SRR: variants seen among roughly 807,000 people sequenced by gnomAD.
SRR encodes D-serine ammonia-lyase.
Under a neutral mutation model 32.7 loss-of-function variants are expected in SRR, and 19 were observed. The observed-to-expected ratio is 0.58, with a 90% CI of 0.40 to 0.85. SRR has a LOEUF of 0.85. Ranked by LOEUF, SRR falls within the 40% of genes least tolerant of loss-of-function variation. The probability of loss-of-function intolerance (pLI) is 0.00; values close to 1 mark genes in which losing one functional copy is unlikely to be tolerated. For missense variants in SRR, 373 were observed against 404.7 expected (o/e 0.92, Z 0.67); for synonymous variants, 142 against 140.9 (o/e 1.01, Z -0.06).
In SRR at chr17:2,324,629, G is replaced by C; in HGVS notation, c.*756G>C. On this transcript the variant is annotated 3_prime_UTR_variant, in exon 8 of 8. Transcript: ENST00000344595. ...AAGATGAAACATTTACCCACAAAAT[G>C]TAAACCCAACCTTTATACCACAAAG... The C allele has an allele frequency of 6.2e-7, 1 of 1,613,966 alleles. No homozygotes were observed. Among genetic ancestry groups the C allele is most frequent in the Non-Finnish European group, 8.5e-7 (1 of 1,180,010 alleles).
At position 2,325,241 on chromosome 17, in the gene SRR, G is replaced by A; in HGVS notation, c.*1368G>A. 8.2e-7 allele frequency: 1 copy of A among 1,218,212 alleles called. No homozygotes were observed. Among genetic ancestry groups the A allele is most frequent in the Non-Finnish European group, 1.2e-6 (1 of 859,754 alleles). 75.5% of individuals were successfully genotyped at this position (1,218,212 alleles called of 1,614,324 possible). On this transcript the variant is annotated 3_prime_UTR_variant, in exon 8 of 8. Transcript: ENST00000344595. ...TTGGCTCCCAAATTTAAATAAACAA[G>A]AGAAAACGGTGTTCATCTATTAAGG...
Position 2,314,351 on chromosome 17 carries a change from A to G in SRR, c.-4-1206A>G, listed in dbSNP as rs189188829. ...GTAATCCCAGCACTTTGGGAGGCCG[A>G]GGCAGGCGGATCACGAGGTCAGGAG... On this transcript the variant is annotated intron_variant, in intron 1 of 7. Coordinates refer to ENST00000344595, the MANE Select transcript of SRR (RefSeq NM_021947.3). 1.0e-3 allele frequency among the ~76,000 whole-genome samples: 154 copies of G among 152,278 alleles called. 1 individual carries two copies. The highest frequency in any genetic ancestry group is 3.5e-3 in the African/African-American group (146 of 41,552).
chr17:2,318,791 T>C (rs1376045369), intron 3 of SRR, 35 bp from the exon 4 acceptor site: 1 of 1,533,168 alleles, frequency 6.5e-7, no homozygotes, highest in Non-Finnish European at 9.0e-7. Context: ...TATTCTAAAT[T>C]CTCCTGACTT....
Position 2,321,705 on chromosome 17 carries a change from A to C in SRR, c.594+89A>C, listed in dbSNP as rs1040159446. Reference sequence around the variant, plus strand: ...TGTATACACGTGCTCAACATTCTGCACACATTACCATTCCTTCCCCTTATT... The same window carrying C: ...TGTATACACGTGCTCAACATTCTGCCCACATTACCATTCCTTCCCCTTATT... On this transcript the variant is annotated intron_variant, in intron 6 of 7. Transcript: ENST00000344595. The C allele has an allele frequency of 8.5e-6, 10 of 1,176,598 alleles. No individual in the cohort carries two copies. The Admixed American group carries it at 1.3e-4, about 15-fold the overall frequency. The allele number at this position is 1,176,598 out of a possible 1,614,324, so 72.9% of individuals were successfully genotyped here. A position where few individuals can be genotyped will look rare whatever the true frequency, so the allele number is the denominator to read the frequency against.
chr17:2,319,821 CTTT>C (rs397701831), intron 4 of SRR, among the ~76,000 whole-genome samples: 4 of 133,366 alleles, frequency 3.0e-5, no homozygotes, highest in Non-Finnish European at 3.1e-5. Flanking sequence ...CTTGTCTCTT[CTTT>C]TTTTTTTTTT....
chr17:2,303,388 G>C (rs1448848183), upstream of SRR: 2 of 1,240,214 alleles, frequency 1.6e-6, no homozygotes, highest in African/African-American at 3.1e-5. Flanking sequence ...TTCGCGGCGA[G>C]AAAGAGGGTG....
intron 1 of SRR, among the ~76,000 whole-genome samples, chr17:2,314,214 C>T (rs1161603222): frequency 6.6e-6 from 1 of 152,158 alleles, no homozygotes; most frequent in Non-Finnish European, 1.5e-5. Flanking sequence ...CTTTGGGAGT[C>T]TGAGGCAGGC....
In SRR at chr17:2,324,059, G is replaced by T; in HGVS notation, c.*186G>T. ...TACTTAACTGAGACATTTTGTCAAGGCTAAAAAAAAGTCTTGCAAAATGGG... is the reference window on the plus strand; with the variant it reads ...TACTTAACTGAGACATTTTGTCAAGTCTAAAAAAAAGTCTTGCAAAATGGG... On this transcript the variant is annotated 3_prime_UTR_variant, in exon 8 of 8. Transcript: ENST00000344595. 4 of 1,286,264 alleles carry T rather than the reference G, an allele frequency of 3.1e-6. No individual in the cohort carries two copies. Among genetic ancestry groups the T allele is most frequent in the South Asian group, 1.5e-5 (1 of 66,524 alleles). The allele number at this position is 1,286,264 out of a possible 1,614,324, so 79.7% of individuals were successfully genotyped here.
chr17:2,324,745 T>C lies in SRR; in HGVS notation c.*872T>C. Reference sequence around the variant, plus strand: ...CATCTTAGTAAAAATTTTGAAAGGATGACCACTCAGAACAACTCTCTTGAT... The same window carrying C: ...CATCTTAGTAAAAATTTTGAAAGGACGACCACTCAGAACAACTCTCTTGAT... On this transcript the variant is annotated 3_prime_UTR_variant, in exon 8 of 8. Coordinates refer to ENST00000344595, the MANE Select transcript of SRR (RefSeq NM_021947.3). 6.2e-7 allele frequency: 1 copy of C among 1,614,238 alleles called. No individual in the cohort carries two copies. The highest frequency in any genetic ancestry group is 1.1e-5 in the South Asian group (1 of 91,090).
chr17:2,309,846 T>G (rs1461566178), intron 1 of SRR: 2 of 152,188 alleles, frequency 1.3e-5, no homozygotes, highest in Non-Finnish European at 2.9e-5. Flanking sequence ...TTTTTTTAAC[T>G]GAAACTGAGA....
chr17:2,320,977 C>T (rs2075522992), intron 4 of SRR, among the ~76,000 whole-genome samples: 1 of 152,220 alleles, frequency 6.6e-6, no homozygotes, highest in African/African-American at 2.4e-5. Context: ...ACTGTTACCC[C>T]CTCTCTGGAA....
At chr17:2,310,376 C>T (rs1223336508) in intron 1 of SRR, among the ~76,000 whole-genome samples, 4 of 151,980 alleles carry the variant, frequency 2.6e-5, no homozygotes, top group African/African-American at 4.8e-5. Context: ...GCCACCTGCA[C>T]GGCTAATTTT....
chr17:2,310,139 G>A (rs2151429851), intron 1 of SRR: 1 of 152,140 alleles, frequency 6.6e-6, no homozygotes, highest in South Asian at 2.1e-4. Flanking sequence ...TGCCTACTAA[G>A]GTAGTACAAA....
Position 2,323,799 on chromosome 17 carries a change from G to A in SRR, c.949G>A (p.Val317Ile). The change falls in exon 8 of 8, where the codon GTA becomes ATA. Residue 317 changes from valine (V) to isoleucine (I), a missense_variant. Val to Ile is a conservative substitution (Grantham distance 29, BLOSUM62 3). Transcript: ENST00000344595. ...TTGTATTGTGCTCAGTGGTGGAAATGTAGACTTAACCTCCTCCATAACTTG... is the reference window on the plus strand; with the variant it reads ...TTGTATTGTGCTCAGTGGTGGAAATATAGACTTAACCTCCTCCATAACTTG... ...NICIVLSGGN[V>I]DLTSSITWVK... is the part of the protein sequence containing the mutation. 10 of 1,614,208 alleles carry A rather than the reference G, an allele frequency of 6.2e-6. No individual in the cohort carries two copies. The highest frequency in any genetic ancestry group is 8.5e-6 in the Non-Finnish European group (10 of 1,180,044).
chr17:2,324,313 C>T lies in SRR; in HGVS notation c.*440C>T. 6.4e-7 allele frequency: 1 copy of T among 1,568,120 alleles called. No homozygotes were observed. Among genetic ancestry groups the T allele is most frequent in the South Asian group, 1.2e-5 (1 of 81,968 alleles). On this transcript the variant is annotated 3_prime_UTR_variant, in exon 8 of 8. Coordinates refer to ENST00000344595, the MANE Select transcript of SRR (RefSeq NM_021947.3). ...GGAAGACTCGTTTATACAGGTTCATCAGTACTGTGTCTTGAGATTTTAGCT... is the reference window on the plus strand; with the variant it reads ...GGAAGACTCGTTTATACAGGTTCATTAGTACTGTGTCTTGAGATTTTAGCT...
chr17:2,304,366 C>T (rs1205971402), intron 1 of SRR, among the ~76,000 whole-genome samples: 1 of 150,874 alleles, frequency 6.6e-6, no homozygotes, highest in Non-Finnish European at 1.5e-5. Flanking sequence ...ATTCTCCTGC[C>T]TCAGCCTCCC....
upstream of SRR, chr17:2,303,630 C>G: frequency 6.8e-7 from 1 of 1,464,454 alleles, no homozygotes; most frequent in South Asian, 1.3e-5. Flanking sequence ...CGGCGCGACT[C>G]ACCTCTGCTC....
At chr17:2,307,393 A>G (rs776927730) in intron 1 of SRR, 66 of 1,150,738 alleles carry the variant, frequency 5.7e-5, no homozygotes, top group Admixed American at 1.2e-4. Context: ...TGGTTTCGGT[A>G]GGAATGACAA....
intron 1 of SRR, among the ~76,000 whole-genome samples, chr17:2,311,343 T>A (rs566263885): frequency 1.3e-5 from 2 of 152,052 alleles, no homozygotes; most frequent in African/African-American, 4.8e-5. Context: ...TTAAAAAATA[T>A]TGAGTTTTCG....
Sources: allele counts gnomAD v4.1 joint callset (sites outside exome capture counted in the v4.1 genomes callset), GRCh38; gene constraint gnomAD v4.1.1; transcripts MANE v1.5; gene names NCBI Gene and HGNC (gene_info 2026-07-23, HGNC 2026-07-21).